The following MEGF6 variants were observed in gnomAD, a reference collection of about 807,000 sequenced individuals.
MEGF6 encodes multiple EGF like domains 6.
Under a neutral mutation model 207.1 loss-of-function variants are expected in MEGF6, and 184 were observed. The observed-to-expected ratio is 0.89, with a 90% CI of 0.79 to 1.00. The LOEUF is 1.00. Among genes scored for constraint, MEGF6 ranks in the 50% least tolerant of loss-of-function variants. The pLI is 0.00. For missense variants in MEGF6, 2,282 were observed against 2,202.9 expected, an observed-to-expected ratio of 1.04 and a Z score of -0.72; for synonymous variants, 1,038 against 910.0, an observed-to-expected ratio of 1.14 and a Z score of -2.53.
intron 4 of MEGF6, among the ~76,000 whole-genome samples, chr1:3,570,446 T>C (rs1442401584): frequency 2.0e-5 from 3 of 152,190 alleles, no homozygotes; most frequent in African/African-American, 4.8e-5. Context: ...AGGGAAAGGA[T>C]AGCCAGGCAG....
intron 4 of MEGF6, among the ~76,000 whole-genome samples, chr1:3,555,481 T>G (rs1643007483): frequency 6.6e-6 from 1 of 152,160 alleles, no homozygotes; most frequent in Non-Finnish European, 1.5e-5. Context: ...GCGACTCCTG[T>G]AAGCACTGAG....
intron 5 of MEGF6, among the ~76,000 whole-genome samples, chr1:3,523,076 G>GGC (rs1553195904): frequency 6.3e-5 from 9 of 142,222 alleles, no homozygotes; most frequent in Non-Finnish European, 1.0e-4. Context: ...GTGTGTGCCG[G>GGC]GGGGGGGGCC....
intron 1 of MEGF6, among the ~76,000 whole-genome samples, chr1:3,606,197 G>T (rs1644247881): frequency 6.6e-6 from 1 of 152,206 alleles, no homozygotes; most frequent in Non-Finnish European, 1.5e-5. Flanking sequence ...CTCAAAGTGG[G>T]GTCCCCCGGC....
chr1:3,493,922 T>C, intron 33 of MEGF6, 23 bp from the exon 34 acceptor site: 1 of 1,584,062 alleles, frequency 6.3e-7, no homozygotes, highest in Non-Finnish European at 8.6e-7. Context: ...GTGGGCTCAG[T>C]GTCCCCCTCC....
chr1:3,547,931 GAGA>G (rs1222099965), intron 4 of MEGF6, among the ~76,000 whole-genome samples: 3 of 152,162 alleles, frequency 2.0e-5, no homozygotes, highest in Admixed American at 2.0e-4. Context: ...GACCTGCCTT[GAGA>G]AGGTGTGGGA....
Position 3,505,398 on chromosome 1 carries a change from C to CCGG in MEGF6, c.2053+23_2053+24insCCG, listed in dbSNP as rs1553192363. On this transcript the variant is annotated intron_variant, in intron 16 of 36. Coordinates refer to ENST00000356575, the MANE Select transcript of MEGF6 (RefSeq NM_001409.4). ...TTAACCGACCCTGGCGCCCCCCGCCCCCAGACCCCATGCCTGGACTCACCT... is the reference window on the plus strand; with the variant it reads ...TTAACCGACCCTGGCGCCCCCCGCCCCGGCCAGACCCCATGCCTGGACTCACCT... 1.9e-6 allele frequency: 3 copies of CCGG among 1,578,944 alleles called. No homozygotes were observed. The East Asian group carries it at 6.8e-5, about 36-fold the overall frequency.
intron 26 of MEGF6, chr1:3,497,570 C>A: frequency 1.4e-6 from 1 of 721,292 alleles, no homozygotes; most frequent in Non-Finnish European, 2.4e-6. Flanking sequence ...GCCTCCCCAC[C>A]GGCAGGCACA....
upstream of MEGF6, among the ~76,000 whole-genome samples, chr1:3,613,649 C>T (rs779326800): frequency 6.6e-6 from 1 of 152,146 alleles, no homozygotes; most frequent in Non-Finnish European, 1.5e-5. Flanking sequence ...AAGGAGGTCT[C>T]TGGGCAGGGG....
intron 4 of MEGF6, among the ~76,000 whole-genome samples, chr1:3,567,330 C>G (rs1557781660): frequency 6.6e-6 from 1 of 152,224 alleles, no homozygotes; most frequent in African/African-American, 2.4e-5. Flanking sequence ...CCAGAAGGCC[C>G]AGGCCCTGCC....
chr1:3,502,505 G>T (rs1438354036), intron 17 of MEGF6, among the ~76,000 whole-genome samples: 1 of 152,150 alleles, frequency 6.6e-6, no homozygotes, highest in Non-Finnish European at 1.5e-5. Flanking sequence ...TCCACCCGCA[G>T]AGTCACTGCC....
At position 3,495,972 on chromosome 1, in the gene MEGF6, C is replaced by T. The variant is rs1369621609; in HGVS notation, c.3789G>A (p.Gly1263=). The T allele has an allele frequency of 8.9e-6, 14 of 1,576,822 alleles. No individual in the cohort carries two copies. Among genetic ancestry groups the T allele is most frequent in the Non-Finnish European group, 1.2e-5 (14 of 1,168,884 alleles). The part of the protein sequence containing the change: ...RFGPNCTHVC[G]CGQGAACDPV... ...GGTCGCAGGCCGCCCCCTGCCCACA[C>T]CCACACACGTGGGTGCAGTTGGGGC... Residue 1263 remains glycine, a synonymous_variant, in exon 30 of 37, where the codon GGG becomes GGA. Transcript: ENST00000356575.
At chr1:3,540,123 A>G (rs1642467717) in intron 4 of MEGF6, among the ~76,000 whole-genome samples, 1 of 152,188 alleles carries the variant, frequency 6.6e-6, no homozygotes, top group South Asian at 2.1e-4. Context: ...AGGCAGTCAG[A>G]GAAAGCCTCT....
chr1:3,531,365 C>G (rs1642163520), intron 4 of MEGF6: 5 of 1,185,894 alleles, frequency 4.2e-6, no homozygotes, highest in Non-Finnish European at 5.2e-6. Flanking sequence ...GGCGCGCAAT[C>G]CCAGCCCCGG....
chr1:3,524,340 T>A, intron 4 of MEGF6, 94 bp from the exon 5 acceptor site: 1 of 1,525,424 alleles, frequency 6.6e-7, no homozygotes, highest in Non-Finnish European at 8.9e-7. Context: ...CAGACCCAGG[T>A]CCCTCCCGTG....
rs1640886875 is a variant in MEGF6 at position 3,501,870 on chromosome 1, C to T, written c.2240G>A (p.Gly747Glu). ...CGTGACCCCGTGGCAGGGGGCCCCCCCACAGGAGCAGGAGCTCGAGCAGTT... is the reference window on the plus strand; with the variant it reads ...CGTGACCCCGTGGCAGGGGGCCCCCTCACAGGAGCAGGAGCTCGAGCAGTT... Reference protein sequence around the residue: ...GVNCSSSCSCGGAPCHGVTGQ... With the variant: ...GVNCSSSCSCEGAPCHGVTGQ... Residue 747 changes from glycine to glutamate, a missense_variant, in exon 18 of 37, where the codon GGG (glycine) becomes GAG (glutamate). Transcript: ENST00000356575. 2 of 1,608,900 alleles carry T rather than the reference C, an allele frequency of 1.2e-6. No homozygotes were observed. The highest frequency in any genetic ancestry group is 2.7e-5 in the African/African-American group (2 of 74,560).
intron 17 of MEGF6, among the ~76,000 whole-genome samples, chr1:3,503,032 A>G (rs1336588063): frequency 2.0e-5 from 3 of 152,180 alleles, no homozygotes; most frequent in Non-Finnish European, 2.9e-5. Flanking sequence ...AGATCCACAG[A>G]GCCCACGTGT....
At chr1:3,587,335 C>T (rs1027635076) in intron 3 of MEGF6, among the ~76,000 whole-genome samples, 1 of 152,230 alleles carries the variant, frequency 6.6e-6, no homozygotes, top group African/African-American at 2.4e-5. Context: ...TTGTAAGGCC[C>T]ACGGAGGCCG....
At position 3,507,877 on chromosome 1, in the gene MEGF6, G is replaced by A. The variant is rs1291533466; in HGVS notation, c.1707C>T (p.Ser569=). 11 of 1,612,660 alleles carry A rather than the reference G, an allele frequency of 6.8e-6. No homozygotes were observed. Among genetic ancestry groups the A allele is most frequent in the Middle Eastern group, 1.6e-4 (1 of 6,082 alleles). ...TFGKNCSFSC[S]CQNGGTCDSV... The stretch of plus-strand genomic sequence containing the variant: ...AGTCGCAGGTCCCACCATTCTGACA[G>A]CTGCAGGAGAAGCTGCAGTTCTTCC... Residue 569 remains serine (S), a synonymous_variant, in exon 14 of 37, where the codon AGC becomes AGT. Transcript: ENST00000356575.
intron 4 of MEGF6, among the ~76,000 whole-genome samples, chr1:3,544,208 G>T (rs901265512): frequency 2.0e-5 from 3 of 149,892 alleles, no homozygotes; most frequent in Non-Finnish European, 4.4e-5. Context: ...CCCCAGCGTC[G>T]CAGCGGCATC....
Sources: allele counts gnomAD v4.1 joint callset (sites outside exome capture counted in the v4.1 genomes callset), GRCh38; gene constraint gnomAD v4.1.1; transcripts MANE v1.5; gene names NCBI Gene and HGNC (gene_info 2026-07-23, HGNC 2026-07-21).